The following TENM2 variants were observed in gnomAD, a reference collection of about 807,000 sequenced individuals.
TENM2 encodes teneurin transmembrane protein 2.
A neutral mutation model predicts 245.2 loss-of-function variants in TENM2; 52 were observed. The observed-to-expected ratio is 0.21, with a 90% CI of 0.17 to 0.27. The LOEUF (loss-of-function observed/expected upper bound fraction) is 0.27, where lower values mean the gene tolerates loss of function less well. TENM2 is among the 10% of genes least tolerant of loss of function. The pLI is 1.00. For synonymous variants in TENM2, 1,363 were observed against 1,438.9 expected, an observed-to-expected ratio of 0.95 and a Z score of 1.19; for missense variants, 3,046 against 3,666.8, an observed-to-expected ratio of 0.83 and a Z score of 4.37.
the TENM2 span, among the ~76,000 whole-genome samples, chr5:167,158,866 T>A: frequency 7.3e-6 from 1 of 136,526 alleles, no homozygotes; most frequent in Non-Finnish European, 1.6e-5. Context: ...CTTCCTTCCT[T>A]CCTTCCTTCC....
At chr5:167,288,384 G>A (rs1265888225) in intron 1 of TENM2, among the ~76,000 whole-genome samples, 3 of 151,950 alleles carry the variant, frequency 2.0e-5, no homozygotes, top group East Asian at 3.9e-4. Flanking sequence ...ACGGTGAAAC[G>A]CTATCTCTAC....
the TENM2 span, among the ~76,000 whole-genome samples, chr5:167,154,146 A>C: frequency 6.6e-6 from 1 of 152,212 alleles, no homozygotes; most frequent in Admixed American, 6.5e-5. Context: ...TCTAAAGCTA[A>C]ATGATAAAGA....
the TENM2 span, among the ~76,000 whole-genome samples, chr5:167,270,164 G>T: frequency 2.3e-3 from 355 of 152,216 alleles, 1 homozygote; most frequent in African/African-American, 8.2e-3. Context: ...TATCAAATGG[G>T]TTATTAATAT....
exon 21 of TENM2, chr5:168,215,164 G>A (rs768372600): frequency 1.2e-6 from 2 of 1,613,886 alleles, no homozygotes; most frequent in Non-Finnish European, 1.7e-6. Flanking sequence ...AGACCTGGCT[G>A]GGAATTCGGA....
At chr5:168,107,565 G>C (rs1462642614) in intron 9 of TENM2, among the ~76,000 whole-genome samples, 1 of 146,450 alleles carries the variant, frequency 6.8e-6, no homozygotes, top group Non-Finnish European at 1.5e-5. Context: ...TGGGGGGGGG[G>C]TCTGATGCAG....
In TENM2 at chr5:167,823,073, T is replaced by A. The variant is rs141650340; in HGVS notation, c.503-52913T>A. Among the ~76,000 whole-genome samples the A allele has an allele frequency of 3.8e-4, 58 of 152,330 alleles. 1 individual carries two copies. The highest frequency in any genetic ancestry group is 1.4e-3 in the African/African-American group (57 of 41,582). On this transcript the variant is annotated intron_variant, in intron 2 of 28. Transcript: ENST00000518659. ...GTGTGAGAGAGGCAACCCTTTGTAC[T>A]GCATCGCTTGCCAGATTTTTTTCTT...
chr5:167,864,275 G>A (rs1048225446), intron 2 of TENM2, among the ~76,000 whole-genome samples: 2 of 152,100 alleles, frequency 1.3e-5, no homozygotes, highest in African/African-American at 4.8e-5. Flanking sequence ...CCAATAATGA[G>A]AATGAAAACA....
chr5:167,308,008 C>T lies in TENM2; in HGVS notation c.226+22945C>T, dbSNP rs191170928. On this transcript the variant is annotated intron_variant, in intron 1 of 28. Transcript: ENST00000518659. ...AGCTCCTTACTGCGTCCTCACCCAT[C>T]CTTGCCTAGACCTCTTCATCCGCTG... The T allele has an allele frequency of 5.2e-3, 801 of 152,596 alleles. 16 individuals are homozygous for T. Among genetic ancestry groups the T allele is most frequent in the Non-Finnish European group, 4.0e-3 (270 of 68,248 alleles). 9.5% of individuals were successfully genotyped at this position (152,596 alleles called of 1,614,324 possible).
the TENM2 span, among the ~76,000 whole-genome samples, chr5:167,150,537 A>G: frequency 6.6e-6 from 1 of 152,218 alleles, no homozygotes; most frequent in African/African-American, 2.4e-5. Context: ...AGATGTCATA[A>G]TAATAGCTAA....
chr5:167,878,041 C>T (rs1418620898), intron 3 of TENM2, among the ~76,000 whole-genome samples: 6 of 152,094 alleles, frequency 3.9e-5, no homozygotes, highest in Admixed American at 3.9e-4. Flanking sequence ...TCCTTTTATG[C>T]ATATATGGAT....
chr5:167,935,290 G>T (rs1238498313), intron 3 of TENM2, among the ~76,000 whole-genome samples: 2 of 152,134 alleles, frequency 1.3e-5, no homozygotes, highest in Admixed American at 6.5e-5. Context: ...CCTATTGTGA[G>T]CCTAGGCAGT....
intron 6 of TENM2, among the ~76,000 whole-genome samples, chr5:168,057,773 A>G (rs1289363064): frequency 6.6e-6 from 1 of 152,202 alleles, no homozygotes; most frequent in Non-Finnish European, 1.5e-5. Flanking sequence ...AATTTCATAT[A>G]GAGCTTCTAA....
intron 2 of TENM2, among the ~76,000 whole-genome samples, chr5:167,471,184 C>G (rs1767004997): frequency 6.6e-6 from 1 of 152,116 alleles, no homozygotes; most frequent in South Asian, 2.1e-4. Context: ...CCCTTGCTTC[C>G]CATCTCTACA....
intron 27 of TENM2, among the ~76,000 whole-genome samples, chr5:168,249,836 G>A (rs974467073): frequency 6.6e-5 from 10 of 151,920 alleles, no homozygotes; most frequent in African/African-American, 2.2e-4. Flanking sequence ...TCCAGCCTGC[G>A]CACAGAGTGA....
At position 167,677,600 on chromosome 5, in the gene TENM2, A is replaced by T. The variant is rs141240591; in HGVS notation, c.503-198386A>T. ...AACTTTTATTCACCACCCAAAAAGC[A>T]TCATCATTTTGTAAAATCTTGCTTT... On this transcript the variant is annotated intron_variant, in intron 2 of 28. Transcript: ENST00000518659. 1.1e-3 allele frequency among the ~76,000 whole-genome samples: 169 copies of T among 151,766 alleles called. 1 individual carries two copies. Among genetic ancestry groups the T allele is most frequent in the African/African-American group, 3.5e-3 (145 of 41,486 alleles).
At position 168,203,757 on chromosome 5, in the gene TENM2, C is replaced by CA; in HGVS notation, c.3500dup (p.Phe1169IlefsTer22). ...CTGGGAGAAAAGGACAGCCCTCCTT[C>CA]AGGGATTCGAGCTGGACCCCTCCAA... is the stretch of plus-strand genomic sequence containing the variant. On this transcript the variant is annotated frameshift_variant, in exon 18 of 29. Transcript: ENST00000518659. LOFTEE classifies it high-confidence loss of function. 6.2e-7 allele frequency: 1 copy of CA among 1,613,468 alleles called. No individual in the cohort carries two copies. The highest frequency in any genetic ancestry group is 8.5e-7 in the Non-Finnish European group (1 of 1,179,530).
intron 4 of TENM2, among the ~76,000 whole-genome samples, chr5:167,971,615 T>G (rs577482853): frequency 6.6e-6 from 1 of 152,120 alleles, no homozygotes; most frequent in East Asian, 1.9e-4. Context: ...GCAGGAGAAT[T>G]GCTTGAACCT....
chr5:167,581,195 T>C (rs1204770513), intron 2 of TENM2, among the ~76,000 whole-genome samples: 1 of 152,238 alleles, frequency 6.6e-6, no homozygotes, highest in Non-Finnish European at 1.5e-5. Flanking sequence ...AGGTGCTTAA[T>C]ACAAATTCAC....
At chr5:168,047,590 A>G (rs1218496984) in intron 6 of TENM2, 41 bp downstream of exon 8, 15 of 1,544,064 alleles carry the variant, frequency 9.7e-6, no homozygotes, top group Non-Finnish European at 1.2e-5. Context: ...AGGTCACAGG[A>G]AAATTCTGAG....
Sources: gnomAD v4.1 joint callset for allele counts (sites outside exome capture counted in the v4.1 genomes callset) on GRCh38, gnomAD v4.1.1 for gene constraint, MANE v1.5 for transcripts, NCBI Gene and HGNC (gene_info 2026-07-23, HGNC 2026-07-21) for gene names.